The following CPNE1 variants were observed in gnomAD, a reference collection of about 807,000 sequenced individuals.
The protein encoded by CPNE1 is copine-1.
Under a neutral mutation model 63.2 loss-of-function variants are expected in CPNE1, and 58 were observed. That is an observed-to-expected ratio of 0.92 (90% confidence interval 0.74 to 1.14). The LOEUF (loss-of-function observed/expected upper bound fraction) is 1.14. CPNE1 is among the 50% of genes most tolerant of loss of function. CPNE1 has a pLI of 0.00. For synonymous variants in CPNE1, 237 were observed against 249.0 expected, an observed-to-expected ratio of 0.95 and a Z score of 0.45; for missense variants, 672 against 661.7, an observed-to-expected ratio of 1.02 and a Z score of -0.17.
At position 35,654,371 on chromosome 20, in the gene CPNE1, T is replaced by C. The variant is rs1452356874; in HGVS notation, c.-1+10389A>G. The C allele has an allele frequency of 3.1e-6, 5 of 1,614,064 alleles. No individual in the cohort carries two copies. The highest frequency in any genetic ancestry group is 1.3e-5 in the African/African-American group (1 of 74,918). ...CCATGAAAAAAATCTCTGACATCAT[T>C]TTCCATTGCAGAAAAGGGCATTCCA... On this transcript the variant is annotated intron_variant, in intron 1 of 15. Coordinates refer to ENST00000397443, the MANE Select transcript of CPNE1 (RefSeq NM_152925.3).
intron 1 of CPNE1, among the ~76,000 whole-genome samples, chr20:35,638,044 T>C (rs1209067023): frequency 6.6e-6 from 1 of 152,236 alleles, no homozygotes; most frequent in Non-Finnish European, 1.5e-5. Flanking sequence ...AGTGACTGAC[T>C]TAACATTGAA....
chr20:35,642,863 C>T (rs185752148), intron 1 of CPNE1, among the ~76,000 whole-genome samples: 5 of 152,090 alleles, frequency 3.3e-5, no homozygotes, highest in Non-Finnish European at 7.4e-5. Context: ...TATTTGGCAA[C>T]ACTACAAAGC....
chr20:35,629,089 CAT>C (rs1203814061), intron 13 of CPNE1, among the ~76,000 whole-genome samples: 2 of 152,086 alleles, frequency 1.3e-5, no homozygotes, highest in African/African-American at 4.8e-5. Context: ...CACACACACA[CAT>C]ATACACACAC....
chr20:35,632,414 GGAT>G, intron 3 of CPNE1, 29 bp from the exon 4 acceptor site: 1 of 1,612,062 alleles, frequency 6.2e-7, no homozygotes, highest in Non-Finnish European at 8.5e-7. Flanking sequence ...GGGAGTTTCA[GGAT>G]AACAGGCAGG....
Position 35,636,909 on chromosome 20 carries a change from T to C in CPNE1, c.1-3986A>G, listed in dbSNP as rs192202638. Among the ~76,000 whole-genome samples, 7 of 152,142 alleles carry C rather than the reference T, an allele frequency of 4.6e-5. No homozygotes were observed. The Middle Eastern group carries it at 0.014, about 296-fold the overall frequency. ...ATAAATAAATACACACACAGAAAAA[T>C]AGAAGATGCATCAAATGTTTTAGGT... On this transcript the variant is annotated intron_variant, in intron 1 of 15. Transcript: ENST00000397443.
intron 14 of CPNE1, among the ~76,000 whole-genome samples, 193 bp downstream of exon 14, chr20:35,627,087 C>G (rs1005968805): frequency 2.0e-5 from 3 of 148,202 alleles, no homozygotes; most frequent in African/African-American, 7.6e-5. Context: ...ACTAGGAAGG[C>G]TGAGGCAGGA....
chr20:35,644,620 G>C (rs2033007744), intron 1 of CPNE1, among the ~76,000 whole-genome samples: 1 of 152,008 alleles, frequency 6.6e-6, no homozygotes. Flanking sequence ...ATAACTGATG[G>C]AACCACGAAC....
chr20:35,645,385 T>C (rs1291092138), intron 1 of CPNE1, among the ~76,000 whole-genome samples: 4 of 152,216 alleles, frequency 2.6e-5, no homozygotes, highest in African/African-American at 9.6e-5. Context: ...CTTGTTCCTG[T>C]CTAACCATAA....
intron 1 of CPNE1, chr20:35,643,190 G>C (rs1487045939): frequency 1.2e-5 from 2 of 161,744 alleles, no homozygotes; most frequent in Non-Finnish European, 2.9e-5. Flanking sequence ...TGATCACCAG[G>C]GTTGATTTGG....
At chr20:35,626,873 C>T (rs754804762) in intron 14 of CPNE1, 70 bp from the exon 15 acceptor site, 2 of 1,212,592 alleles carry the variant, frequency 1.6e-6, no homozygotes, top group African/African-American at 1.5e-5. Context: ...CCCAGCCACA[C>T]ATCCCCACAC....
Position 35,650,540 on chromosome 20 carries a change from CTTAAA to C in CPNE1, c.-1+14215_-1+14219del, listed in dbSNP as rs543210321. On this transcript the variant is annotated intron_variant, in intron 1 of 15. Transcript: ENST00000397443. Reference sequence around the variant, plus strand: ...ATGAGAAATGATTACTTAACATTAACTTAAATTAAACAGCATATACAAACGTTATA... The same window carrying C: ...ATGAGAAATGATTACTTAACATTAACTTAAACAGCATATACAAACGTTATA... 1,126 of 152,610 alleles carry C rather than the reference CTTAAA, an allele frequency of 7.4e-3. 11 individuals are homozygous for C. Among genetic ancestry groups the C allele is most frequent in the Non-Finnish European group, 0.011 (770 of 67,942 alleles). 9.5% of individuals were successfully genotyped at this position (152,610 alleles called of 1,614,324 possible). A position where few individuals can be genotyped will look rare whatever the true frequency, so the allele number is the denominator to read the frequency against.
intron 1 of CPNE1, chr20:35,651,240 T>C (rs2033492427): frequency 6.6e-6 from 1 of 152,244 alleles, no homozygotes; most frequent in African/African-American, 2.4e-5. Context: ...GTAAGGCAAG[T>C]GTTTTCATGA....
Position 35,632,525 on chromosome 20 carries a change from G to C in CPNE1, c.301C>G (p.Leu101Val), listed in dbSNP as rs2032223126. ...TCCCCAGCCCTACATACCTGTCCTA[G>C]GGAACACTCAGCACCCCCTAGGAAG... is the stretch of plus-strand genomic sequence containing the variant. ...DDFLGGAECS[L>V]GQIVSSQVLT... Residue 101 changes from leucine to valine, a missense_variant, in exon 3 of 16, where the codon CTA becomes GTA. Coordinates refer to ENST00000397443, the MANE Select transcript of CPNE1 (RefSeq NM_152925.3). The C allele has an allele frequency of 6.2e-7, 1 of 1,613,460 alleles. No individual in the cohort carries two copies. The highest frequency in any genetic ancestry group is 8.5e-7 in the Non-Finnish European group (1 of 1,179,722).
intron 1 of CPNE1, chr20:35,654,807 G>A (rs1188067286): frequency 1.7e-5 from 28 of 1,614,116 alleles, no homozygotes; most frequent in Non-Finnish European, 2.1e-5. Flanking sequence ...GAACAGTTGA[G>A]CTAAACGTTG....
intron 1 of CPNE1, among the ~76,000 whole-genome samples, chr20:35,659,402 T>A (rs1443164184): frequency 1.3e-5 from 2 of 152,216 alleles, no homozygotes; most frequent in East Asian, 3.8e-4. Context: ...AAATTTGTGA[T>A]GAAAAGGCAC....
rs11543240 is a variant in CPNE1, at chr20:35,626,316, G to T, written c.1539C>A (p.Phe513Leu). The part of the protein sequence containing the change: ...AEVPTQLVSY[F>L]RAQGWAPLKP... ...TGAGCGGGGCCCAACCCTGGGCCCT[G>T]AAGTATGAGACCAGTTGTGTGGGCA... The change falls in exon 16 of 16, where the codon TTC becomes TTA. Residue 513 changes from phenylalanine (F) to leucine (L), a missense_variant. Phe to Leu is a conservative substitution (Grantham distance 22, BLOSUM62 0). Transcript: ENST00000397443. 1.2e-6 allele frequency: 2 copies of T among 1,613,952 alleles called. No homozygotes were observed. The highest frequency in any genetic ancestry group is 2.7e-5 in the African/African-American group (2 of 74,896).
chr20:35,637,916 T>C (rs1272075778), intron 1 of CPNE1, among the ~76,000 whole-genome samples: 1 of 152,202 alleles, frequency 6.6e-6, no homozygotes, highest in Non-Finnish European at 1.5e-5. Context: ...TTTTGCACTC[T>C]GTCTCCCTCC....
intron 1 of CPNE1, chr20:35,654,978 G>C: frequency 6.2e-7 from 1 of 1,614,118 alleles, no homozygotes; most frequent in Non-Finnish European, 8.5e-7. Context: ...AGTTTACCCT[G>C]CTACTCATTC....
intron 1 of CPNE1, among the ~76,000 whole-genome samples, chr20:35,638,480 A>G (rs2032613941): frequency 6.6e-6 from 1 of 152,212 alleles, no homozygotes; most frequent in Non-Finnish European, 1.5e-5. Flanking sequence ...CACAATGGCT[A>G]AAAGTATAAT....
Sources: allele counts gnomAD v4.1 joint callset (sites outside exome capture counted in the v4.1 genomes callset), GRCh38; gene constraint gnomAD v4.1.1; transcripts MANE v1.5; gene names NCBI Gene and HGNC (gene_info 2026-07-23, HGNC 2026-07-21).